Variants in SCN7A observed in about 807,000 individuals in gnomAD.
The protein encoded by SCN7A is sodium channel protein type 7 subunit alpha.
In SCN7A, 138 loss-of-function variants were observed where a neutral mutation model predicts 155.2. That is an observed-to-expected ratio of 0.89 (90% CI 0.77 to 1.02). The LOEUF (loss-of-function observed/expected upper bound fraction) is 1.02. SCN7A is among the 50% of genes least tolerant of loss of function. The pLI is 0.00. For missense variants in SCN7A, 2,058 were observed against 1,986.6 expected (o/e 1.04, Z -0.68); for synonymous variants, 693 against 649.0 (o/e 1.07, Z -1.03).
chr2:166,490,657 T>G (rs1683075932), intron 1 of SCN7A, among the ~76,000 whole-genome samples: 1 of 151,930 alleles, frequency 6.6e-6, no homozygotes, highest in Admixed American at 6.6e-5. Flanking sequence ...TTCTTAAAAT[T>G]TTTGACCCAG....
chr2:166,466,963 G>A (rs947252147), intron 7 of SCN7A, among the ~76,000 whole-genome samples: 1 of 151,876 alleles, frequency 6.6e-6, no homozygotes, highest in Non-Finnish European at 1.5e-5. Context: ...TCATTCTTGT[G>A]ACTACAGAAG....
At chr2:166,428,027 C>T in intron 17 of SCN7A, 85 bp from the exon 18 acceptor site, 3 of 1,297,384 alleles carry the variant, frequency 2.3e-6, no homozygotes, top group Non-Finnish European at 3.2e-6. Context: ...TGTGCCACAG[C>T]AATTATTTAT....
At chr2:166,463,299 G>T (rs991868597) in intron 9 of SCN7A, among the ~76,000 whole-genome samples, 2 of 152,190 alleles carry the variant, frequency 1.3e-5, no homozygotes, top group African/African-American at 4.8e-5. Flanking sequence ...TGGCAGTCCA[G>T]TAAATCATGC....
chr2:166,422,142 G>T (rs1315002601), intron 19 of SCN7A, among the ~76,000 whole-genome samples: 2 of 152,082 alleles, frequency 1.3e-5, no homozygotes. Context: ...TTAGGAAAGA[G>T]AGGTCAGCTA....
intron 23 of SCN7A, 52 bp from the exon 24 acceptor site, chr2:166,410,376 C>T (rs1485222925): frequency 3.1e-6 from 4 of 1,305,814 alleles, no homozygotes; most frequent in Non-Finnish European, 4.2e-6. Flanking sequence ...CCAAATTTTC[C>T]CTTATGTTAA....
At chr2:166,420,801 C>G (rs926290655) in intron 20 of SCN7A, among the ~76,000 whole-genome samples, 8 of 151,944 alleles carry the variant, frequency 5.3e-5, no homozygotes, top group African/African-American at 1.9e-4. Context: ...TGAGTAACCA[C>G]TTAGGGTATA....
chr2:166,410,407 C>G, intron 23 of SCN7A, 83 bp from the exon 24 acceptor site: 1 of 852,708 alleles, frequency 1.2e-6, no homozygotes, highest in South Asian at 1.9e-5. Flanking sequence ...AAAGACTTGG[C>G]AATTATTGAT....
chr2:166,470,612 T>C lies in SCN7A; in HGVS notation c.664+3A>G, dbSNP rs1434470767. The C allele has an allele frequency of 6.3e-7, 1 of 1,597,538 alleles. No homozygotes were observed. ...AGAAAAGACATTCAATGCAATTTCT[T>C]ACCTTGATTTAAAGGAATAATTTTT... is the stretch of plus-strand genomic sequence containing the variant. On this transcript the variant is annotated splice_donor_region_variant and intron_variant, in intron 7 of 25. Coordinates refer to ENST00000643258, the MANE Select transcript of SCN7A (RefSeq NM_002976.4).
At chr2:166,444,554 T>G (rs1702022009) in intron 13 of SCN7A, among the ~76,000 whole-genome samples, 1 of 152,212 alleles carries the variant, frequency 6.6e-6, no homozygotes, top group Non-Finnish European at 1.5e-5. Flanking sequence ...AATTTTAAAT[T>G]CCAGCTGTAA....
At chr2:166,443,064 C>T (rs1451281007) in intron 14 of SCN7A, among the ~76,000 whole-genome samples, 1 of 151,982 alleles carries the variant, frequency 6.6e-6, no homozygotes, top group Admixed American at 6.6e-5. Context: ...TCACCATTAC[C>T]CTACCCCATA....
chr2:166,492,349 C>T (rs1683132558), intron 1 of SCN7A, among the ~76,000 whole-genome samples: 1 of 152,158 alleles, frequency 6.6e-6, no homozygotes, highest in African/African-American at 2.4e-5. Flanking sequence ...TTTAATGAAT[C>T]TTTGCAGTCA....
intron 18 of SCN7A, among the ~76,000 whole-genome samples, chr2:166,424,508 A>G (rs1035871789): frequency 6.6e-6 from 1 of 152,138 alleles, no homozygotes; most frequent in African/African-American, 2.4e-5. Flanking sequence ...CAGAACAAAA[A>G]GATTTAACAT....
At chr2:166,481,706 A>G (rs1702931153) in intron 2 of SCN7A, among the ~76,000 whole-genome samples, 1 of 152,200 alleles carries the variant, frequency 6.6e-6, no homozygotes, top group Admixed American at 6.5e-5. Context: ...GGGTCTTCAA[A>G]TGGAACCAGA....
chr2:166,472,105 C>T (rs926975938), intron 6 of SCN7A, among the ~76,000 whole-genome samples: 1 of 151,346 alleles, frequency 6.6e-6, no homozygotes, highest in African/African-American at 2.4e-5. Flanking sequence ...TAATGCTATC[C>T]CTCCCCCTCC....
At chr2:166,492,949 C>A (rs925244103) in intron 1 of SCN7A, among the ~76,000 whole-genome samples, 2 of 152,154 alleles carry the variant, frequency 1.3e-5, no homozygotes, top group African/African-American at 4.8e-5. Flanking sequence ...AGTTCTAAAT[C>A]CCAAAGACTT....
chr2:166,482,084 T>G (rs1367137157), intron 2 of SCN7A, among the ~76,000 whole-genome samples: 1 of 152,282 alleles, frequency 6.6e-6, no homozygotes, highest in South Asian at 2.1e-4. Context: ...GGAACATTTC[T>G]AAGGTTAAGA....
rs2105434296 is a variant in SCN7A at position 166,441,724 on chromosome 2, C to T, written c.1829G>A (p.Trp610Ter). Residue 610 changes from tryptophan (W) to a stop codon, truncating the protein, a stop_gained, in exon 15 of 26, where the codon TGG becomes TAG. Coordinates refer to ENST00000643258, the MANE Select transcript of SCN7A (RefSeq NM_002976.4). LOFTEE classifies it high-confidence loss of function. ...CCACATCAAAATCTGGAATGTTGGC[C>T]AATACTTTCCCAACTTGAAAATTCT... ...MLRIFKLGKY[W>*]PTFQILMWSL... 1 of 1,603,878 alleles carries T rather than the reference C, an allele frequency of 6.2e-7. No homozygotes were observed. Among genetic ancestry groups the T allele is most frequent in the South Asian group, 1.1e-5 (1 of 89,250 alleles).
chr2:166,421,989 C>A (rs1701520981), intron 19 of SCN7A, among the ~76,000 whole-genome samples: 2 of 151,968 alleles, frequency 1.3e-5, no homozygotes, highest in African/African-American at 2.4e-5. Context: ...AAGAGACAGC[C>A]TTGAAGTAGG....
intron 2 of SCN7A, among the ~76,000 whole-genome samples, chr2:166,483,755 A>C (rs902295369): frequency 6.6e-6 from 1 of 151,926 alleles, no homozygotes; most frequent in African/African-American, 2.4e-5. Context: ...TTATTCTAAG[A>C]GGAAAGCTGG....
Sources: gnomAD v4.1 joint callset for allele counts (sites outside exome capture counted in the v4.1 genomes callset) on GRCh38, gnomAD v4.1.1 for gene constraint, MANE v1.5 for transcripts, NCBI Gene and HGNC (gene_info 2026-07-23, HGNC 2026-07-21) for gene names.